The following KHDC1 variants were observed in gnomAD, a reference collection of about 807,000 sequenced individuals.
The protein encoded by KHDC1 is KH domain containing 1, also known as KH homology domain-containing protein 1.
A neutral mutation model predicts 24.7 loss-of-function variants in KHDC1; 21 were observed. The ratio of observed to expected loss-of-function variants is 0.85; its 90% confidence interval spans 0.60 to 1.23. The LOEUF (loss-of-function observed/expected upper bound fraction) is 1.23. Ranked by LOEUF, KHDC1 falls within the 50% of genes most tolerant of loss-of-function variation. KHDC1 has a pLI of 0.00. For missense variants in KHDC1, 274 were observed against 298.5 expected, an observed-to-expected ratio of 0.92 and a Z score of 0.61; for synonymous variants, 98 against 111.7, an observed-to-expected ratio of 0.88 and a Z score of 0.77.
chr6:73,261,724 C>T (rs980006299), intron 2 of KHDC1, among the ~76,000 whole-genome samples: 2 of 151,836 alleles, frequency 1.3e-5, no homozygotes, highest in African/African-American at 4.8e-5. Context: ...CCAGCCTGGC[C>T]AAGGTGGTGA....
intron 2 of KHDC1, among the ~76,000 whole-genome samples, chr6:73,277,398 G>C (rs754062766): frequency 2.6e-5 from 4 of 152,114 alleles, no homozygotes; most frequent in Non-Finnish European, 5.9e-5. Context: ...CCAGGAGGCA[G>C]AGGTTGCAGT....
At chr6:73,303,006 G>T (rs1444398693) in intron 1 of KHDC1, among the ~76,000 whole-genome samples, 1 of 152,214 alleles carries the variant, frequency 6.6e-6, no homozygotes, top group Admixed American at 6.5e-5. Flanking sequence ...GAACCCAAGA[G>T]GCAGAGGTTG....
At chr6:73,246,182 G>A (rs1766661686) in intron 2 of KHDC1, among the ~76,000 whole-genome samples, 1 of 151,946 alleles carries the variant, frequency 6.6e-6, no homozygotes, top group Non-Finnish European at 1.5e-5. Context: ...ATAAATATTT[G>A]TTTGTTTGTT....
intron 1 of KHDC1, among the ~76,000 whole-genome samples, chr6:73,303,392 A>G (rs1436237532): frequency 6.6e-6 from 1 of 152,206 alleles, no homozygotes; most frequent in African/African-American, 2.4e-5. Context: ...TGCCTCAGGC[A>G]AAATTGACCC....
At chr6:73,266,365 A>G (rs1273972628) in intron 2 of KHDC1, among the ~76,000 whole-genome samples, 1 of 152,252 alleles carries the variant, frequency 6.6e-6, no homozygotes, top group East Asian at 1.9e-4. Context: ...CATTAGCTCA[A>G]TAGTCTTTGC....
chr6:73,244,545 T>C (rs1441158143), intron 2 of KHDC1, among the ~76,000 whole-genome samples: 1 of 152,056 alleles, frequency 6.6e-6, no homozygotes, highest in Admixed American at 6.6e-5. Context: ...AAGTGTTGAA[T>C]AGCTATTAAA....
chr6:73,288,620 T>A (rs919652064), intron 2 of KHDC1, among the ~76,000 whole-genome samples: 1 of 150,848 alleles, frequency 6.6e-6, no homozygotes, highest in African/African-American at 2.4e-5. Flanking sequence ...GACTTCGTCT[T>A]AAAAAAAAAG....
chr6:73,271,263 A>G (rs1355776218), intron 2 of KHDC1, among the ~76,000 whole-genome samples: 1 of 151,892 alleles, frequency 6.6e-6, no homozygotes, highest in African/African-American at 2.4e-5. Context: ...GCTGGAGTGC[A>G]GTGGCACAAT....
chr6:73,250,566 C>T (rs9446877), intron 2 of KHDC1, among the ~76,000 whole-genome samples: 1,873 of 152,310 alleles, frequency 0.012, 13 homozygotes, highest in African/African-American at 0.023. Context: ...GCCTGGAATG[C>T]CTGCTATTGG....
At chr6:73,268,956 G>C (rs1386472593) in intron 2 of KHDC1, 1 of 154,606 alleles carries the variant, frequency 6.5e-6, no homozygotes. Flanking sequence ...GGCAGCACAG[G>C]AGCCCGTGGA....
At chr6:73,292,078 A>G in intron 1 of KHDC1, 1 of 1,613,334 alleles carries the variant, frequency 6.2e-7, no homozygotes, top group Non-Finnish European at 8.5e-7. Flanking sequence ...AATTATTACA[A>G]GGTAAATTGG....
At chr6:73,250,041 G>C (rs1465699584) in intron 2 of KHDC1, among the ~76,000 whole-genome samples, 1 of 152,196 alleles carries the variant, frequency 6.6e-6, no homozygotes. Flanking sequence ...TAATCTATGA[G>C]AAATTGACAG....
chr6:73,295,553 A>C (rs1463779467), intron 1 of KHDC1, among the ~76,000 whole-genome samples: 1 of 151,826 alleles, frequency 6.6e-6, no homozygotes, highest in South Asian at 2.1e-4. Flanking sequence ...GGTCTCTTTA[A>C]AAACACACAC....
At chr6:73,251,544 A>G (rs1468848758) in intron 2 of KHDC1, among the ~76,000 whole-genome samples, 1 of 152,226 alleles carries the variant, frequency 6.6e-6, no homozygotes, top group African/African-American at 2.4e-5. Flanking sequence ...CATCTAATGC[A>G]TAAAAAGTTT....
exon 5 of KHDC1, chr6:73,241,584 G>A: frequency 1.2e-6 from 2 of 1,614,178 alleles, no homozygotes; most frequent in Non-Finnish European, 1.7e-6. Flanking sequence ...TTGGTAAGGG[G>A]AAGGCTGAGG....
intron 2 of KHDC1, among the ~76,000 whole-genome samples, chr6:73,272,785 A>G (rs974574632): frequency 2.0e-5 from 3 of 151,198 alleles, no homozygotes; most frequent in Non-Finnish European, 2.9e-5. Context: ...CGGGGGGGAA[A>G]AGAAAAAAAC....
chr6:73,261,223 A>G (rs1766973904), intron 2 of KHDC1, among the ~76,000 whole-genome samples: 1 of 151,694 alleles, frequency 6.6e-6, no homozygotes, highest in Non-Finnish European at 1.5e-5. Flanking sequence ...TGAGCAGATT[A>G]CCTGAGGTCA....
At chr6:73,271,200 G>GT (rs1023491276) in intron 2 of KHDC1, among the ~76,000 whole-genome samples, 49 of 150,340 alleles carry the variant, frequency 3.3e-4, no homozygotes, top group Admixed American at 5.3e-4. Flanking sequence ...AAATGTTTTG[G>GT]TTTTTTTTTG....
intron 2 of KHDC1, among the ~76,000 whole-genome samples, chr6:73,250,155 G>A (rs1384584961): frequency 6.6e-6 from 1 of 152,184 alleles, no homozygotes; most frequent in Non-Finnish European, 1.5e-5. Context: ...CTGGCTCACA[G>A]TTGCAGTTTT....
Sources: allele counts gnomAD v4.1 joint callset (sites outside exome capture counted in the v4.1 genomes callset), GRCh38; gene constraint gnomAD v4.1.1; transcripts MANE v1.5; gene names NCBI Gene and HGNC (gene_info 2026-07-23, HGNC 2026-07-21).